Variants in MAGEC3 observed in about 807,000 individuals in gnomAD.
The protein encoded by MAGEC3 is MAGE family member C3.
MAGEC3 carries 34 observed loss-of-function variants against 35.3 expected under a neutral mutation model. The ratio of observed to expected loss-of-function variants is 0.96; its 90% CI spans 0.73 to 1.28. The LOEUF is 1.28. Ranked by LOEUF, MAGEC3 falls within the 50% of genes most tolerant of loss-of-function variation. The pLI is 0.00. For missense variants in MAGEC3, 561 were observed against 483.6 expected (o/e 1.16, Z -1.50); for synonymous variants, 202 against 185.6 (o/e 1.09, Z -0.72).
chrX:141,855,855 T>A (rs1034888150), intron 1 of MAGEC3, among the ~76,000 whole-genome samples: 17 of 111,770 alleles, frequency 1.5e-4, no homozygotes, highest in Admixed American at 1.4e-3. Context: ...GGATTACATA[T>A]TTTTCAGTAA....
intron 1 of MAGEC3, chrX:141,838,881 G>C (rs1343934048): frequency 1.3e-6 from 1 of 747,602 alleles, no homozygotes; most frequent in East Asian, 1.5e-4. Context: ...TGGGCTACTG[G>C]GCTCCAGGAC....
At chrX:141,866,275 C>T (rs753087443) in intron 2 of MAGEC3, among the ~76,000 whole-genome samples, 41 of 112,098 alleles carry the variant, frequency 3.7e-4, no homozygotes, top group African/African-American at 1.2e-3. Flanking sequence ...TTTATAGCTT[C>T]TAATTTAATT....
chrX:141,866,267 T>C (rs900985180), intron 2 of MAGEC3, among the ~76,000 whole-genome samples: 13 of 112,423 alleles, frequency 1.2e-4, no homozygotes, highest in African/African-American at 4.2e-4. Flanking sequence ...TCATAAGTTT[T>C]ATAGCTTCTA....
In MAGEC3 at chrX:141,897,353, C is replaced by T; in HGVS notation, c.1595C>T (p.Thr532Ile). ...TTCTTTGAAGACACATTAGACCTCA[C>T]CTATGAGGGAAGCCTGATTGATGAC... ...SYFFEDTLDLTYEGSLIDDQG... is the reference protein window; with the variant it reads ...SYFFEDTLDLIYEGSLIDDQG... Residue 532 changes from threonine to isoleucine, a missense_variant, in exon 7 of 8, where the codon ACC (threonine) becomes ATC (isoleucine). Transcript: ENST00000298296. 1 of 1,211,742 alleles carries T rather than the reference C, an allele frequency of 8.3e-7. No homozygotes were observed. The highest frequency in any genetic ancestry group is 1.1e-6 in the Non-Finnish European group (1 of 895,427).
intron 2 of MAGEC3, among the ~76,000 whole-genome samples, chrX:141,874,547 A>G (rs1343941541): frequency 8.9e-6 from 1 of 112,040 alleles, no homozygotes; most frequent in African/African-American, 3.2e-5. Context: ...CTGAGTAGAT[A>G]CACACTACAC....
intron 2 of MAGEC3, among the ~76,000 whole-genome samples, chrX:141,867,850 T>C (rs750160088): frequency 5.3e-5 from 6 of 112,225 alleles, no homozygotes; most frequent in Admixed American, 9.4e-5. Context: ...AGGCTGGGCA[T>C]GGTGGCTCAC....
chrX:141,844,203 A>G (rs1241861540), intron 1 of MAGEC3, among the ~76,000 whole-genome samples: 1 of 111,412 alleles, frequency 9.0e-6, no homozygotes, highest in Non-Finnish European at 1.9e-5. Flanking sequence ...CTATGTATTA[A>G]TATTCTTCCA....
At chrX:141,869,794 A>G (rs892508911) in intron 2 of MAGEC3, among the ~76,000 whole-genome samples, 2 of 112,461 alleles carry the variant, frequency 1.8e-5, no homozygotes, top group Non-Finnish European at 3.7e-5. Context: ...GTGGTTTACA[A>G]TAACCTAACA....
intron 1 of MAGEC3, among the ~76,000 whole-genome samples, chrX:141,849,304 G>A (rs1040885640): frequency 6.3e-5 from 7 of 110,847 alleles, no homozygotes; most frequent in Non-Finnish European, 1.3e-4. Context: ...AAATTTAAAT[G>A]GAAGACCTCA....
intron 3 of MAGEC3, 75 bp downstream of exon 3, chrX:141,879,506 A>G: frequency 9.8e-7 from 1 of 1,024,280 alleles, no homozygotes; most frequent in Non-Finnish European, 1.3e-6. Flanking sequence ...GTGGGCAGGA[A>G]GGGGTGGAAA....
intron 4 of MAGEC3, among the ~76,000 whole-genome samples, chrX:141,889,976 CTTTA>C (rs2018029486): frequency 8.9e-6 from 1 of 112,053 alleles, no homozygotes; most frequent in African/African-American, 3.3e-5. Context: ...AAGAAAATAT[CTTTA>C]TTTTATTTCT....
chrX:141,838,510 C>G (rs993615919), intron 1 of MAGEC3, 72 bp downstream of exon 1: 110 of 1,160,190 alleles, frequency 9.5e-5, no homozygotes, highest in Non-Finnish European at 1.2e-4. Flanking sequence ...ATCTCAGCCT[C>G]AGTGTTGCTT....
In MAGEC3 at chrX:141,881,653, T is replaced by A; in HGVS notation, c.766T>A (p.Leu256Ile). 8.3e-7 allele frequency: 1 copy of A among 1,211,592 alleles called. No individual in the cohort carries two copies. Among genetic ancestry groups the A allele is most frequent in the East Asian group, 3.0e-5 (1 of 33,811 alleles). ...CCATTTCTATGTCTTTGTAAACACATTAGACCTCACCTGTGAGGGGAGTCT... is the reference window on the plus strand; with the variant it reads ...CCATTTCTATGTCTTTGTAAACACAATAGACCTCACCTGTGAGGGGAGTCT... Reference protein sequence around the residue: ...PDHFYVFVNTLDLTCEGSLSD... With the variant: ...PDHFYVFVNTIDLTCEGSLSD... Residue 256 changes from leucine (L) to isoleucine (I), a missense_variant, in exon 4 of 8, where the codon TTA becomes ATA. Transcript: ENST00000298296.
At chrX:141,853,727 T>G (rs967322171) in intron 1 of MAGEC3, among the ~76,000 whole-genome samples, 1 of 111,112 alleles carries the variant, frequency 9.0e-6, no homozygotes, top group Admixed American at 9.6e-5. Flanking sequence ...TAAGGTTTTG[T>G]GGGTGTTTTA....
chrX:141,896,447 C>T, intron 6 of MAGEC3: 1 of 1,152,917 alleles, frequency 8.7e-7, no homozygotes, highest in Non-Finnish European at 1.1e-6. Flanking sequence ...AGGGAGCAAA[C>T]CTCTTAGGAA....
At position 141,897,005 on chromosome X, in the gene MAGEC3, T is replaced by A; in HGVS notation, c.1247T>A (p.Leu416Gln). The change falls in exon 7 of 8, where the codon CTA (leucine) becomes CAA (glutamine). Residue 416 changes from leucine (L) to glutamine (Q), a missense_variant. Coordinates refer to ENST00000298296, the MANE Select transcript of MAGEC3 (RefSeq NM_138702.1). ...CCGCAGAGTCCTCCCCAGAGTCCTCTAGACTCCTGCTCATCCCCTCTTTTG... is the reference window on the plus strand; with the variant it reads ...CCGCAGAGTCCTCCCCAGAGTCCTCAAGACTCCTGCTCATCCCCTCTTTTG... ...GPPQSPPQSPLDSCSSPLLWT... is the reference protein window; with the variant it reads ...GPPQSPPQSPQDSCSSPLLWT... 3.3e-6 allele frequency: 4 copies of A among 1,209,875 alleles called. No homozygotes were observed. The highest frequency in any genetic ancestry group is 4.5e-6 in the Non-Finnish European group (4 of 894,532).
At chrX:141,889,710 T>C (rs1169640125) in intron 4 of MAGEC3, among the ~76,000 whole-genome samples, 1 of 111,734 alleles carries the variant, frequency 8.9e-6, no homozygotes, top group East Asian at 2.8e-4. Flanking sequence ...AACAGCCCAA[T>C]CCAGGTAGGA....
intron 2 of MAGEC3, among the ~76,000 whole-genome samples, chrX:141,878,181 AT>A (rs71745704): frequency 0.03 from 3,355 of 110,887 alleles, 145 homozygotes; most frequent in African/African-American, 0.1. Context: ...GATTTATGTG[AT>A]TTTTTTCTGT....
chrX:141,897,829 G>C lies in MAGEC3; in HGVS notation c.1929G>C (p.Glu643Asp). Residue 643 changes from glutamate to aspartate, a missense_variant, in exon 8 of 8, where the codon GAG (glutamate) becomes GAC (aspartate). Glu to Asp is a conservative substitution (Grantham distance 45, BLOSUM62 2). Coordinates refer to ENST00000298296, the MANE Select transcript of MAGEC3 (RefSeq NM_138702.1). Reference sequence around the variant, plus strand: ...TCATGTCCACCAACTTCTGTCCTGAGTGATGTCTGAAGCAGATTCCCCCTC... The same window carrying C: ...TCATGTCCACCAACTTCTGTCCTGACTGATGTCTGAAGCAGATTCCCCCTC... ...PSVMSTNFCP[E>D] is the part of the protein sequence containing the mutation. 8.4e-7 allele frequency: 1 copy of C among 1,188,344 alleles called. No individual in the cohort carries two copies. The highest frequency in any genetic ancestry group is 1.1e-6 in the Non-Finnish European group (1 of 884,146).
Sources: allele counts gnomAD v4.1 joint callset (sites outside exome capture counted in the v4.1 genomes callset), GRCh38; gene constraint gnomAD v4.1.1; transcripts MANE v1.5; gene names NCBI Gene and HGNC (gene_info 2026-07-23, HGNC 2026-07-21).